Variants in MCCC2 observed in about 807,000 individuals in gnomAD.
The protein encoded by MCCC2 is methylcrotonyl-CoA carboxylase subunit 2.
MCCC2 carries 52 observed loss-of-function variants against 77.2 expected under a neutral mutation model. The ratio of observed to expected loss-of-function variants is 0.67; its 90% CI spans 0.54 to 0.85. The LOEUF is 0.85. Ranked by LOEUF, MCCC2 falls within the 40% of genes least tolerant of loss-of-function variation. MCCC2 has a pLI of 0.00. For synonymous variants in MCCC2, 253 were observed against 248.4 expected, an observed-to-expected ratio of 1.02 and a Z score of -0.18; for missense variants, 682 against 703.2, an observed-to-expected ratio of 0.97 and a Z score of 0.34.
intron 14 of MCCC2, 50 bp from the exon 15 acceptor site, chr5:71,650,019 C>A: frequency 7.0e-7 from 1 of 1,431,162 alleles, no homozygotes; most frequent in Non-Finnish European, 9.9e-7. Flanking sequence ...CTCTGAAAAT[C>A]TATGTTGTAT....
intron 6 of MCCC2, among the ~76,000 whole-genome samples, chr5:71,611,101 C>G (rs1580294273): frequency 1.3e-5 from 2 of 151,766 alleles, no homozygotes; most frequent in East Asian, 3.9e-4. Flanking sequence ...TGAAGAGATA[C>G]TTAGAAGAAT....
intron 8 of MCCC2, among the ~76,000 whole-genome samples, chr5:71,633,828 T>G (rs1355142986): frequency 6.6e-6 from 1 of 152,222 alleles, no homozygotes; most frequent in Non-Finnish European, 1.5e-5. Flanking sequence ...AAGTCAGCAT[T>G]TATAACTGGT....
intron 6 of MCCC2, among the ~76,000 whole-genome samples, chr5:71,606,900 C>A (rs1745699129): frequency 6.6e-6 from 1 of 151,064 alleles, no homozygotes; most frequent in South Asian, 2.1e-4. Flanking sequence ...ATATATTGAA[C>A]CAGCCTTGCA....
intron 6 of MCCC2, among the ~76,000 whole-genome samples, chr5:71,621,710 T>C (rs993512031): frequency 6.6e-6 from 1 of 152,092 alleles, no homozygotes; most frequent in Admixed American, 6.5e-5. Flanking sequence ...CTTTTAGCAA[T>C]ATTAAGATTT....
Position 71,623,451 on chromosome 5 carries a change from G to T in MCCC2, c.625-3189G>T, listed in dbSNP as rs147882529. Among the ~76,000 whole-genome samples, 3 of 152,248 alleles carry T rather than the reference G, an allele frequency of 2.0e-5. No homozygotes were observed. In the East Asian group the frequency reaches 5.8e-4, roughly 29 times the overall value. ...GGCCAGCGGCCTTCCTCAGTTGCTTGCCATACAGCCTCTTCCTAGAGCAGC... is the reference window on the plus strand; with the variant it reads ...GGCCAGCGGCCTTCCTCAGTTGCTTTCCATACAGCCTCTTCCTAGAGCAGC... On this transcript the variant is annotated intron_variant, in intron 6 of 16. Coordinates refer to ENST00000340941, the MANE Select transcript of MCCC2 (RefSeq NM_022132.5).
chr5:71,604,219 T>G, intron 5 of MCCC2, 137 bp from the exon 6 acceptor site: 1 of 738,026 alleles, frequency 1.4e-6, no homozygotes, highest in Non-Finnish European at 2.4e-6. Flanking sequence ...AGAACGAGGC[T>G]CTATAACAGT....
chr5:71,653,799 C>T (rs1185490629), intron 16 of MCCC2, among the ~76,000 whole-genome samples: 1 of 149,810 alleles, frequency 6.7e-6, no homozygotes, highest in Admixed American at 6.7e-5. Flanking sequence ...TGCAGTGAGC[C>T]GAGATCATGC....
chr5:71,611,827 T>C (rs893369064), intron 6 of MCCC2, among the ~76,000 whole-genome samples: 7 of 151,434 alleles, frequency 4.6e-5, no homozygotes, highest in African/African-American at 1.2e-4. Context: ...CTTGCTCTGT[T>C]GCCCAGGCTG....
chr5:71,628,147 G>A (rs1261182630), intron 7 of MCCC2, among the ~76,000 whole-genome samples: 2 of 152,206 alleles, frequency 1.3e-5, no homozygotes, highest in South Asian at 2.1e-4. Flanking sequence ...CCTGGCCAAG[G>A]CATCTTTTCA....
At chr5:71,630,336 G>A (rs1746667576) in intron 7 of MCCC2, among the ~76,000 whole-genome samples, 1 of 152,076 alleles carries the variant, frequency 6.6e-6, no homozygotes, top group Non-Finnish European at 1.5e-5. Context: ...TTGTTCTCCT[G>A]TCTTTTGTTT....
chr5:71,657,171 C>G lies in MCCC2; in HGVS notation c.*311C>G, dbSNP rs1469730864. On this transcript the variant is annotated 3_prime_UTR_variant, in exon 17 of 17. Transcript: ENST00000340941. ...TAATCTGTAAACTCAGTTCTGTAAT[C>G]TGTATTATTGAGATGATTAATATAA... 8 of 337,238 alleles carry G rather than the reference C, an allele frequency of 2.4e-5. No individual in the cohort carries two copies. The highest frequency in any genetic ancestry group is 4.5e-5 in the Non-Finnish European group (8 of 175,900). 20.9% of individuals were successfully genotyped at this position (337,238 alleles called of 1,614,324 possible).
intron 3 of MCCC2, among the ~76,000 whole-genome samples, chr5:71,598,966 T>C (rs1429432936): frequency 1.3e-5 from 2 of 151,228 alleles, no homozygotes; most frequent in Non-Finnish European, 2.9e-5. Context: ...CCCGTGTTGC[T>C]CAGGCTGGCC....
At chr5:71,618,316 T>G (rs1746236373) in intron 6 of MCCC2, among the ~76,000 whole-genome samples, 1 of 152,212 alleles carries the variant, frequency 6.6e-6, no homozygotes, top group Non-Finnish European at 1.5e-5. Context: ...GAGTTTGGCC[T>G]TCGTTTGCTC....
At chr5:71,633,121 A>ATTTTTTTTTTT (rs1231509058) in intron 8 of MCCC2, among the ~76,000 whole-genome samples, 12 of 29,824 alleles carry the variant, frequency 4.0e-4, no homozygotes, top group African/African-American at 8.4e-4. Context: ...ATATATATAT[A>ATTTTTTTTTTT]TATATATATA....
chr5:71,640,766 T>G lies in MCCC2; in HGVS notation c.1000-237T>G, dbSNP rs116390653. On this transcript the variant is annotated intron_variant, in intron 10 of 16. Transcript: ENST00000340941. ...AACCAGCCCTTGGAGCCTTTCCTGC[T>G]TTTCTTGCATGCAGCATGGTGCTGT... 5.9e-3 allele frequency among the ~76,000 whole-genome samples: 895 copies of G among 152,320 alleles called. 12 individuals are homozygous for G. Among genetic ancestry groups the G allele is most frequent in the African/African-American group, 0.021 (856 of 41,568 alleles).
At chr5:71,611,289 G>A (rs537959947) in intron 6 of MCCC2, among the ~76,000 whole-genome samples, 2 of 152,170 alleles carry the variant, frequency 1.3e-5, no homozygotes, top group African/African-American at 4.8e-5. Context: ...TATGGTTCCA[G>A]CTTTCAGGAG....
chr5:71,624,182 G>A (rs537349112), intron 6 of MCCC2, among the ~76,000 whole-genome samples: 1 of 152,100 alleles, frequency 6.6e-6, no homozygotes, highest in East Asian at 1.9e-4. Context: ...GGGAGGGGGG[G>A]CCCTACCTCA....
At chr5:71,618,462 ATTCT>A (rs139967297) in intron 6 of MCCC2, among the ~76,000 whole-genome samples, 12,254 of 150,202 alleles carry the variant, frequency 0.082, 720 homozygotes, top group Middle Eastern at 0.14. Flanking sequence ...TCTTTTTTAA[ATTCT>A]TTCTTTCTTT....
At chr5:71,639,734 G>C (rs986829459) in intron 10 of MCCC2, among the ~76,000 whole-genome samples, 2 of 152,210 alleles carry the variant, frequency 1.3e-5, no homozygotes, top group African/African-American at 4.8e-5. Context: ...CCGTATCTCT[G>C]TGTGGAAGAA....
Sources: gnomAD v4.1 joint callset for allele counts (sites outside exome capture counted in the v4.1 genomes callset) on GRCh38, gnomAD v4.1.1 for gene constraint, MANE v1.5 for transcripts, NCBI Gene and HGNC (gene_info 2026-07-23, HGNC 2026-07-21) for gene names.